PDE4B: variants seen among roughly 807,000 people sequenced by gnomAD.
The protein encoded by PDE4B is phosphodiesterase 4B, also known as 3',5'-cyclic-AMP phosphodiesterase 4B.
In PDE4B, 20 loss-of-function variants were observed where a neutral mutation model predicts 82.2. That is an observed-to-expected ratio of 0.24 (90% CI 0.17 to 0.35). PDE4B has a LOEUF of 0.35. Among genes scored for constraint, PDE4B ranks in the 10% least tolerant of loss-of-function variants. The pLI is 1.00. For missense variants in PDE4B, 655 were observed against 907.2 expected (o/e 0.72, Z 3.57); for synonymous variants, 320 against 318.9 (o/e 1.00, Z -0.04).
At chr1:66,084,098 A>C (rs776286085) in intron 3 of PDE4B, among the ~76,000 whole-genome samples, 1 of 152,160 alleles carries the variant, frequency 6.6e-6, no homozygotes, top group Non-Finnish European at 1.5e-5. Context: ...GCCTTAATTC[A>C]ATTTAAAAAA....
chr1:66,173,794 T>G (rs2101353533), intron 3 of PDE4B, among the ~76,000 whole-genome samples: 1 of 152,300 alleles, frequency 6.6e-6, no homozygotes, highest in African/African-American at 2.4e-5. Flanking sequence ...TGTTTGTTGG[T>G]TTGTTTTTTG....
intron 10 of PDE4B, 58 bp downstream of exon 10, chr1:66,361,851 C>A: frequency 7.5e-7 from 1 of 1,333,066 alleles, no homozygotes; most frequent in Non-Finnish European, 1.0e-6. Flanking sequence ...AGACGGATGA[C>A]CGTATACCTT....
chr1:66,232,592 C>A (rs1652045899), intron 3 of PDE4B, among the ~76,000 whole-genome samples: 1 of 152,090 alleles, frequency 6.6e-6, no homozygotes, highest in Non-Finnish European at 1.5e-5. Flanking sequence ...GGCCCTCCAA[C>A]ATTTAGAATT....
intron 3 of PDE4B, among the ~76,000 whole-genome samples, chr1:66,238,205 C>T (rs761926822): frequency 2.0e-5 from 3 of 152,134 alleles, no homozygotes; most frequent in Non-Finnish European, 2.9e-5. Context: ...CTGTTCAAAG[C>T]AAAGCAGATA....
At chr1:65,933,652 C>A (rs544065446) in intron 3 of PDE4B, among the ~76,000 whole-genome samples, 1 of 150,800 alleles carries the variant, frequency 6.6e-6, no homozygotes, top group East Asian at 2.0e-4. Context: ...GCCCTGGCAA[C>A]AGGGCGAGAA....
intron 3 of PDE4B, among the ~76,000 whole-genome samples, chr1:65,973,907 G>A (rs576823724): frequency 3.3e-5 from 5 of 152,158 alleles, no homozygotes; most frequent in African/African-American, 1.2e-4. Context: ...CCACCTCCTG[G>A]GTTCAAACAA....
chr1:65,991,066 C>T (rs1175160192), intron 3 of PDE4B, among the ~76,000 whole-genome samples: 1 of 141,640 alleles, frequency 7.1e-6, no homozygotes, highest in Non-Finnish European at 1.5e-5. Flanking sequence ...GCCTGAATAT[C>T]TGACACAGAT....
intron 3 of PDE4B, among the ~76,000 whole-genome samples, chr1:66,047,358 AT>A (rs1654773744): frequency 6.6e-6 from 1 of 151,868 alleles, no homozygotes. Flanking sequence ...ATATATGAAA[AT>A]ATCTTAGAAG....
chr1:65,939,635 C>T (rs1648337497), intron 3 of PDE4B, among the ~76,000 whole-genome samples: 1 of 152,054 alleles, frequency 6.6e-6, no homozygotes, highest in Admixed American at 6.6e-5. Flanking sequence ...GGTCTTGAAC[C>T]CCACAAAGGC....
intron 9 of PDE4B, among the ~76,000 whole-genome samples, chr1:66,359,867 G>T (rs1662610259): frequency 6.6e-6 from 1 of 152,170 alleles, no homozygotes; most frequent in African/African-American, 2.4e-5. Flanking sequence ...AAAGATTTTT[G>T]ACAGGAACCT....
At chr1:65,899,848 A>G (rs12027690) in intron 1 of PDE4B, among the ~76,000 whole-genome samples, 1 of 152,000 alleles carries the variant, frequency 6.6e-6, no homozygotes, top group East Asian at 1.9e-4. Flanking sequence ...CAAAGGCATA[A>G]GAATGACACA....
intron 3 of PDE4B, among the ~76,000 whole-genome samples, chr1:66,052,392 A>G (rs1468529020): frequency 6.6e-6 from 1 of 152,272 alleles, no homozygotes; most frequent in African/African-American, 2.4e-5. Flanking sequence ...GAAAATATTT[A>G]TAATGATAGG....
intron 8 of PDE4B, among the ~76,000 whole-genome samples, chr1:66,347,828 C>T (rs560142514): frequency 6.6e-6 from 1 of 152,180 alleles, no homozygotes; most frequent in African/African-American, 2.4e-5. Flanking sequence ...ATATTAGAAA[C>T]TTCAATAAGG....
Position 66,268,608 on chromosome 1 carries a change from C to T in PDE4B, c.634+2521C>T, listed in dbSNP as rs1251899563. Among the ~76,000 whole-genome samples, 5 of 127,710 alleles carry T rather than the reference C, an allele frequency of 3.9e-5. No homozygotes were observed. The Admixed American group carries it at 5.0e-4, about 13-fold the overall frequency. 83.8% of individuals were successfully genotyped at this position (127,710 alleles called of 152,430 possible). A position where few individuals can be genotyped will look rare whatever the true frequency, so the allele number is the denominator to read the frequency against. On this transcript the variant is annotated intron_variant, in intron 7 of 16. Coordinates refer to ENST00000341517, the MANE Select transcript of PDE4B (RefSeq NM_002600.4). ...TCTTGAACCTGGGAGGCGGAGGTTG[C>T]AGTGAGCCGAGATCGCACCACTGAA...
At chr1:66,339,086 T>G (rs1660762427) in intron 8 of PDE4B, among the ~76,000 whole-genome samples, 1 of 152,176 alleles carries the variant, frequency 6.6e-6, no homozygotes, top group Admixed American at 6.5e-5. Context: ...TCAAATGATT[T>G]GGGCAATTTC....
chr1:66,126,758 T>C (rs976794895), intron 3 of PDE4B, among the ~76,000 whole-genome samples: 6 of 152,354 alleles, frequency 3.9e-5, no homozygotes, highest in Middle Eastern at 6.8e-3. Context: ...TCTATAGTGA[T>C]AAAGTGTTTA....
intron 15 of PDE4B, 163 bp downstream of exon 15, chr1:66,368,228 A>C: frequency 1.6e-6 from 1 of 608,344 alleles, no homozygotes; most frequent in Non-Finnish European, 2.7e-6. Flanking sequence ...TGGACATTCA[A>C]GTTTATCTTC....
intron 3 of PDE4B, among the ~76,000 whole-genome samples, chr1:66,019,437 C>T (rs1652968782): frequency 6.8e-6 from 1 of 146,920 alleles, no homozygotes. Flanking sequence ...TTTGCTGCAG[C>T]CTCTGCCTCC....
At chr1:65,800,872 G>A (rs1054285491) in intron 1 of PDE4B, among the ~76,000 whole-genome samples, 9 of 152,138 alleles carry the variant, frequency 5.9e-5, no homozygotes, top group Admixed American at 2.6e-4. Context: ...TAATGACAAC[G>A]GTCATGATGC....
Sources: gnomAD v4.1 joint callset for allele counts (sites outside exome capture counted in the v4.1 genomes callset) on GRCh38, gnomAD v4.1.1 for gene constraint, MANE v1.5 for transcripts, NCBI Gene and HGNC (gene_info 2026-07-23, HGNC 2026-07-21) for gene names.